Variants in OR7G3 observed in about 807,000 individuals in gnomAD.
OR7G3 encodes the protein olfactory receptor 7G3.
For synonymous variants in OR7G3, 143 were observed against 157.6 expected (o/e 0.91, Z 0.69); for missense variants, 352 against 372.1 (o/e 0.95, Z 0.44).
Position 9,126,035 on chromosome 19 carries a change from A to T in OR7G3, c.916T>A (p.Ser306Thr). 1 of 1,552,838 alleles carries T rather than the reference A, an allele frequency of 6.4e-7. No individual in the cohort carries two copies. Among genetic ancestry groups the T allele is most frequent in the Non-Finnish European group, 8.8e-7 (1 of 1,136,476 alleles). Reference sequence around the variant, plus strand: ...CATCAATGGAAAGATGGTATCCTAGATATTAGTTTCCTCAAAGCCTTCAAC... The same window carrying T: ...CATCAATGGAAAGATGGTATCCTAGTTATTAGTTTCCTCAAAGCCTTCAAC... ...DMLKALRKLI[S>T]RIPSFH is the part of the protein sequence containing the mutation. Residue 306 changes from serine (S) to threonine (T), a missense_variant, in exon 1 of 1, where the codon TCT becomes ACT. By Grantham distance (58) the Ser-to-Thr change is moderately conservative (BLOSUM62 1). Transcript: ENST00000305444.
chr19:9,126,666 T>C lies in OR7G3; in HGVS notation c.285A>G (p.Thr95=). Residue 95 remains threonine, a synonymous_variant, in exon 1 of 1, where the codon ACA becomes ACG. Transcript: ENST00000305444. ...CAAAGCAGATTTGGGTGAGGCAGCC[T>C]GTGTAATTGATGGATTGAGCCTGTG... ...IQAQAQSINY[T]GCLTQICFVL... The C allele has an allele frequency of 6.2e-7, 1 of 1,614,154 alleles. No individual in the cohort carries two copies. The highest frequency in any genetic ancestry group is 8.5e-7 in the Non-Finnish European group (1 of 1,180,034).
chr19:9,126,146 T>C lies in OR7G3; in HGVS notation c.805A>G (p.Arg269Gly), dbSNP rs1411933167. ...ATCACTGATGCTATTGCACCCTTCC[T>C]GGAGGAGTGGGTAGCCCCAGAACTA... ...YLSSGATHSS[R>G]KGAIASVMYT... The change falls in exon 1 of 1, where the codon AGG (arginine) becomes GGG (glycine). Residue 269 changes from arginine to glycine, a missense_variant. Arg to Gly is a moderately radical substitution (Grantham distance 125). Coordinates refer to ENST00000305444, the MANE Select transcript of OR7G3 (RefSeq NM_001001958.1). 8.1e-6 allele frequency: 13 copies of C among 1,614,066 alleles called. No individual in the cohort carries two copies. The highest frequency in any genetic ancestry group is 7.6e-6 in the Non-Finnish European group (9 of 1,180,024).
In OR7G3 at chr19:9,126,538, G is replaced by A. The variant is rs756071825; in HGVS notation, c.413C>T (p.Pro138Leu). The A allele has an allele frequency of 1.2e-5, 20 of 1,614,000 alleles. No homozygotes were observed. Among genetic ancestry groups the A allele is most frequent in the Middle Eastern group, 1.6e-4 (1 of 6,082 alleles). The change falls in exon 1 of 1, where the codon CCC becomes CTC. Residue 138 changes from proline (P) to leucine (L), a missense_variant. Physicochemically the swap from Pro to Leu is moderately conservative, Grantham distance 98 (BLOSUM62 -3). Transcript: ENST00000305444. ...CAGAAGCAGCAGCCCACAGAGTTTG[G>A]GGTTCATGATGACATTGTACCTCAG... ...HPLRYNVIMNPKLCGLLLLLS... is the reference protein window; with the variant it reads ...HPLRYNVIMNLKLCGLLLLLS...
At position 9,126,533 on chromosome 19, in the gene OR7G3, G is replaced by T. The variant is rs1411341776; in HGVS notation, c.418C>A (p.Leu140Ile). The T allele has an allele frequency of 1.2e-6, 2 of 1,614,080 alleles. No individual in the cohort carries two copies. Among genetic ancestry groups the T allele is most frequent in the Non-Finnish European group, 1.7e-6 (2 of 1,180,046 alleles). The change falls in exon 1 of 1, where the codon CTC (leucine) becomes ATC (isoleucine). Residue 140 changes from leucine (L) to isoleucine (I), a missense_variant. Transcript: ENST00000305444. ...GACAGCAGAAGCAGCAGCCCACAGA[G>T]TTTGGGGTTCATGATGACATTGTAC... ...LRYNVIMNPKLCGLLLLLSFI... is the reference protein window; with the variant it reads ...LRYNVIMNPKICGLLLLLSFI...
rs557322726 is a variant in OR7G3 at position 9,126,318 on chromosome 19, G to A, written c.633C>T (p.Leu211=). 1.9e-6 allele frequency: 3 copies of A among 1,614,162 alleles called. No individual in the cohort carries two copies. The African/African-American group carries it at 4.0e-5, about 22-fold the overall frequency. Residue 211 remains leucine (L), a synonymous_variant, in exon 1 of 1, where the codon CTC becomes CTT. Transcript: ENST00000305444. ...GTGTGTAAGAGAAAATGATCCCAGA[G>A]AGAGGAACAACACCTAACAGGCTGG... The part of the protein sequence containing the change: ...LVTSLLGVVP[L]SGIIFSYTRI...
chr19:9,126,062 T>C lies in OR7G3; in HGVS notation c.889A>G (p.Met297Val). The change falls in exon 1 of 1, where the codon ATG (methionine) becomes GTG (valine). Residue 297 changes from methionine to valine, a missense_variant. Transcript: ENST00000305444. ...ATTAGTTTCCTCAAAGCCTTCAACA[T>C]GTCCTTGTTTCTCAGGCTGTAAATG... ...PLIYSLRNKD[M>V]LKALRKLISR... is the part of the protein sequence containing the mutation. 1 of 1,613,138 alleles carries C rather than the reference T, an allele frequency of 6.2e-7. No homozygotes were observed.
At position 9,126,024 on chromosome 19, in the gene OR7G3, T is replaced by C. The variant is rs751915407; in HGVS notation, c.927A>G (p.Pro309=). The C allele has an allele frequency of 2.5e-6, 4 of 1,597,390 alleles. No individual in the cohort carries two copies. The highest frequency in any genetic ancestry group is 3.4e-5 in the Admixed American group (2 of 58,996). Residue 309 remains proline, a synonymous_variant, in exon 1 of 1, where the codon CCA becomes CCG. Transcript: ENST00000305444. Reference sequence around the variant, plus strand: ...AGAAGCTGAGACATCAATGGAAAGATGGTATCCTAGATATTAGTTTCCTCA... The same window carrying C: ...AGAAGCTGAGACATCAATGGAAAGACGGTATCCTAGATATTAGTTTCCTCA... ...KALRKLISRI[P]SFH
chr19:9,126,190 G>C lies in OR7G3; in HGVS notation c.761C>G (p.Thr254Arg). 1 of 1,614,184 alleles carries C rather than the reference G, an allele frequency of 6.2e-7. No homozygotes were observed. The highest frequency in any genetic ancestry group is 8.5e-7 in the Non-Finnish European group (1 of 1,180,042). Residue 254 changes from threonine to arginine, a missense_variant, in exon 1 of 1, where the codon ACA (threonine) becomes AGA (arginine). Coordinates refer to ENST00000305444, the MANE Select transcript of OR7G3 (RefSeq NM_001001958.1). ...HLIVVSLFYG[T>R]GFGVYLSSGA... The stretch of plus-strand genomic sequence containing the variant: ...AGAACTAAGGTACACCCCAAACCCT[G>C]TTCCATAAAACAAGGAAACAACGAT...
In OR7G3 at chr19:9,126,393, C is replaced by G. The variant is rs1568305339; in HGVS notation, c.558G>C (p.Lys186Asn). 6.2e-7 allele frequency: 1 copy of G among 1,614,042 alleles called. No homozygotes were observed. Among genetic ancestry groups the G allele is most frequent in the African/African-American group, 1.3e-5 (1 of 75,006 alleles). ...HFFCELAHIL[K>N]LACSDVLINN... ...TGATGAGGACATCAGAACAGGCGAG[C>G]TTGAGAATATGAGCTAGTTCACAGA... The change falls in exon 1 of 1, where the codon AAG becomes AAC. Residue 186 changes from lysine to asparagine, a missense_variant. Coordinates refer to ENST00000305444, the MANE Select transcript of OR7G3 (RefSeq NM_001001958.1).
rs1327054168 is a variant in OR7G3 at position 9,126,100 on chromosome 19, A to G, written c.851T>C (p.Met284Thr). The G allele has an allele frequency of 1.2e-6, 2 of 1,614,152 alleles. No individual in the cohort carries two copies. Among genetic ancestry groups the G allele is most frequent in the Non-Finnish European group, 1.7e-6 (2 of 1,180,026 alleles). The change falls in exon 1 of 1, where the codon ATG becomes ACG. Residue 284 changes from methionine to threonine, a missense_variant. By Grantham distance (81) the Met-to-Thr change is moderately conservative. Coordinates refer to ENST00000305444, the MANE Select transcript of OR7G3 (RefSeq NM_001001958.1). ...CAGGCTGTAAATGAGTGGGTTCAGC[A>G]TGGGGGTGACCACGGTATACATCAC... ...ASVMYTVVTP[M>T]LNPLIYSLRN...
Position 9,126,656 on chromosome 19 carries a change from T to A in OR7G3, c.295A>T (p.Thr99Ser), listed in dbSNP as rs2050511811. The A allele has an allele frequency of 1.2e-6, 2 of 1,614,098 alleles. No homozygotes were observed. The highest frequency in any genetic ancestry group is 1.7e-5 in the Admixed American group (1 of 59,982). ...AAAACCAGGACAAAGCAGATTTGGG[T>A]GAGGCAGCCTGTGTAATTGATGGAT... is the stretch of plus-strand genomic sequence containing the variant. ...AQSINYTGCL[T>S]QICFVLVFVG... The change falls in exon 1 of 1, where the codon ACC (threonine) becomes TCC (serine). Residue 99 changes from threonine (T) to serine (S), a missense_variant. Transcript: ENST00000305444.
Position 9,126,027 on chromosome 19 carries a change from T to C in OR7G3, c.924A>G (p.Ile308Met). The change falls in exon 1 of 1, where the codon ATA becomes ATG. Residue 308 changes from isoleucine to methionine, a missense_variant. Ile to Met is a conservative substitution (Grantham distance 10). Coordinates refer to ENST00000305444, the MANE Select transcript of OR7G3 (RefSeq NM_001001958.1). ...AGCTGAGACATCAATGGAAAGATGG[T>C]ATCCTAGATATTAGTTTCCTCAAAG... ...LKALRKLISR[I>M]PSFH 6.2e-7 allele frequency: 1 copy of C among 1,600,060 alleles called. No individual in the cohort carries two copies. Among genetic ancestry groups the C allele is most frequent in the Non-Finnish European group, 8.5e-7 (1 of 1,170,316 alleles).
Position 9,126,869 on chromosome 19 carries a change from A to G in OR7G3, c.82T>C (p.Phe28Leu). 4 of 1,613,796 alleles carry G rather than the reference A, an allele frequency of 2.5e-6. No individual in the cohort carries two copies. Among genetic ancestry groups the G allele is most frequent in the Non-Finnish European group, 3.4e-6 (4 of 1,179,788 alleles). The part of the protein sequence containing the change: ...SGDPELQPIL[F>L]MLFLSMYLAT... ...AGGTACATGGACAGGAACAGCATGA[A>G]GAGGATGGGCTGCAGCTCCGGATCC... Residue 28 changes from phenylalanine (F) to leucine (L), a missense_variant, in exon 1 of 1, where the codon TTC becomes CTC. Transcript: ENST00000305444.
In OR7G3 at chr19:9,126,295, G is replaced by A; in HGVS notation, c.656C>T (p.Thr219Ile). The A allele has an allele frequency of 1.9e-6, 3 of 1,614,166 alleles. No individual in the cohort carries two copies. Among genetic ancestry groups the A allele is most frequent in the Non-Finnish European group, 2.5e-6 (3 of 1,179,998 alleles). ...TTTCATGACAGAGGAGACAATTCGTGTGTAAGAGAAAATGATCCCAGAGAG... is the reference window on the plus strand; with the variant it reads ...TTTCATGACAGAGGAGACAATTCGTATGTAAGAGAAAATGATCCCAGAGAG... ...VPLSGIIFSYTRIVSSVMKIP... is the reference protein window; with the variant it reads ...VPLSGIIFSYIRIVSSVMKIP... Residue 219 changes from threonine (T) to isoleucine (I), a missense_variant, in exon 1 of 1, where the codon ACA (threonine) becomes ATA (isoleucine). Thr to Ile is a moderately conservative substitution (Grantham distance 89). Coordinates refer to ENST00000305444, the MANE Select transcript of OR7G3 (RefSeq NM_001001958.1).
At position 9,126,256 on chromosome 19, in the gene OR7G3, C is replaced by G; in HGVS notation, c.695G>C (p.Gly232Ala). 1.2e-6 allele frequency: 2 copies of G among 1,613,830 alleles called. No individual in the cohort carries two copies. Among genetic ancestry groups the G allele is most frequent in the East Asian group, 4.5e-5 (2 of 44,880 alleles). Residue 232 changes from glycine to alanine, a missense_variant, in exon 1 of 1, where the codon GGT becomes GCT. Gly to Ala is a moderately conservative substitution (Grantham distance 60). Transcript: ENST00000305444. ...VSSVMKIPSA[G>A]GKYKAFSICG... ...GATGGAAAAAGCTTTATACTTTCCA[C>G]CAGCTGATGGAATTTTCATGACAGA...
At position 9,126,794 on chromosome 19, in the gene OR7G3, A is replaced by G; in HGVS notation, c.157T>C (p.Ser53Pro). ...LLIILAVNSD[S>P]HLHTPMYFLL... is the part of the protein sequence containing the mutation. ...AAGTACATGGGGGTGTGGAGGTGGG[A>G]GTCAGAGTTGACGGCCAGGATGATG... Residue 53 changes from serine (S) to proline (P), a missense_variant, in exon 1 of 1, where the codon TCC (serine) becomes CCC (proline). By Grantham distance (74) the Ser-to-Pro change is moderately conservative (BLOSUM62 -1). Coordinates refer to ENST00000305444, the MANE Select transcript of OR7G3 (RefSeq NM_001001958.1). 6.2e-7 allele frequency: 1 copy of G among 1,614,000 alleles called. No homozygotes were observed. Among genetic ancestry groups the G allele is most frequent in the Non-Finnish European group, 8.5e-7 (1 of 1,179,964 alleles).
chr19:9,126,555 G>T lies in OR7G3; in HGVS notation c.396C>A (p.Tyr132Ter). 9.9e-6 allele frequency: 16 copies of T among 1,614,144 alleles called. No homozygotes were observed. The highest frequency in any genetic ancestry group is 2.2e-5 in the South Asian group (2 of 91,080). ...AGAGTTTGGGGTTCATGATGACATT[G>T]TACCTCAGTGGGTGACAGATGGCCA... is the stretch of plus-strand genomic sequence containing the variant. ...RFVAICHPLRYNVIMNPKLCG... is the reference protein window; with the variant it reads ...RFVAICHPLR The change falls in exon 1 of 1, where the codon TAC (tyrosine) becomes TAA (stop). Residue 132 changes from tyrosine (Y) to a stop codon, truncating the protein, a stop_gained. Transcript: ENST00000305444. LOFTEE classifies it low-confidence loss of function (END_TRUNC).
rs367664986 is a variant in OR7G3 at position 9,126,390 on chromosome 19, G to C, written c.561C>G (p.Leu187=). The change falls in exon 1 of 1, where the codon CTC becomes CTG. Residue 187 remains leucine, a synonymous_variant. Coordinates refer to ENST00000305444, the MANE Select transcript of OR7G3 (RefSeq NM_001001958.1). ...TATTGATGAGGACATCAGAACAGGCGAGCTTGAGAATATGAGCTAGTTCAC... is the reference window on the plus strand; with the variant it reads ...TATTGATGAGGACATCAGAACAGGCCAGCTTGAGAATATGAGCTAGTTCAC... ...FFCELAHILK[L]ACSDVLINNI... is the part of the protein sequence containing the mutation. 7 of 1,614,120 alleles carry C rather than the reference G, an allele frequency of 4.3e-6. No individual in the cohort carries two copies. Among genetic ancestry groups the C allele is most frequent in the Non-Finnish European group, 5.9e-6 (7 of 1,180,006 alleles).
Position 9,126,418 on chromosome 19 carries a change from A to G in OR7G3, c.533T>C (p.Phe178Ser), listed in dbSNP as rs564603551. ...FCIDLEIPHF[F>S]CELAHILKLA... ...CTTGAGAATATGAGCTAGTTCACAG[A>G]AAAAGTGGGGAATTTCCAGGTCTAT... The change falls in exon 1 of 1, where the codon TTC (phenylalanine) becomes TCC (serine). Residue 178 changes from phenylalanine (F) to serine (S), a missense_variant. Phe to Ser is a radical substitution (Grantham distance 155, BLOSUM62 -2). Transcript: ENST00000305444. 3 of 1,614,146 alleles carry G rather than the reference A, an allele frequency of 1.9e-6. No homozygotes were observed. The highest frequency in any genetic ancestry group is 2.7e-5 in the African/African-American group (2 of 75,044).
Sources: allele counts gnomAD v4.1 joint callset, GRCh38; gene constraint gnomAD v4.1.1; transcripts MANE v1.5; gene names NCBI Gene and HGNC (gene_info 2026-07-23, HGNC 2026-07-21).